The following NREP variants were observed in gnomAD, a reference collection of about 807,000 sequenced individuals.
NREP encodes the protein neuronal regeneration-related protein.
In NREP, 5 loss-of-function variants were observed where a neutral mutation model predicts 8.6. The observed-to-expected ratio is 0.58, with a 90% CI of 0.30 to 1.22. The LOEUF (loss-of-function observed/expected upper bound fraction) is 1.22. Among genes scored for constraint, NREP ranks in the 50% most tolerant of loss-of-function variants. The pLI, the probability that NREP is intolerant of heterozygous loss-of-function variation, is 0.07. For synonymous variants in NREP, 27 were observed against 28.0 expected (o/e 0.96, Z 0.11); for missense variants, 86 against 82.5 (o/e 1.04, Z -0.17).
At chr5:111,757,429 T>TCTCTCTCTCCCTTTCC, upstream of NREP, 2 of 983,756 alleles carry the variant, frequency 2.0e-6, no homozygotes, top group Non-Finnish European at 2.4e-6. Flanking sequence ...TCTAAGAGTC[T>TCTCTCTCTCCCTTTCC]CTCTCTCTCC....
intron 2 of NREP, among the ~76,000 whole-genome samples, chr5:111,805,306 C>A (rs886188221): frequency 1.3e-5 from 2 of 152,168 alleles, no homozygotes; most frequent in Non-Finnish European, 2.9e-5. Context: ...GCCAGTAATT[C>A]CACATCTAGA....
chr5:111,822,868 A>C lies in NREP; in HGVS notation c.136-87361T>G, dbSNP rs74352868. 9.4e-3 allele frequency among the ~76,000 whole-genome samples: 1,428 copies of C among 152,378 alleles called. 16 individuals carry two copies. The highest frequency in any genetic ancestry group is 0.013 in the Non-Finnish European group (872 of 68,042). On this transcript the variant is annotated intron_variant, in intron 2 of 3. Transcript: ENST00000395634. ...GAAAAGTATAAATGAAAAATGGAGAACATCAACATATCACTGGAATCAATA... is the reference window on the plus strand; with the variant it reads ...GAAAAGTATAAATGAAAAATGGAGACCATCAACATATCACTGGAATCAATA...
chr5:111,757,492 G>A, upstream of NREP: 2 of 984,998 alleles, frequency 2.0e-6, no homozygotes, highest in Non-Finnish European at 2.4e-6. Flanking sequence ...TAATTCTGAT[G>A]GAGCTGGCGC....
At chr5:111,828,342 C>G (rs1039065147) in intron 2 of NREP, among the ~76,000 whole-genome samples, 1 of 151,932 alleles carries the variant, frequency 6.6e-6, no homozygotes, top group Non-Finnish European at 1.5e-5. Context: ...TATTTGTTTT[C>G]TAGGCAATAG....
intron 1 of NREP, chr5:111,975,394 A>T: frequency 6.5e-7 from 1 of 1,546,018 alleles, no homozygotes; most frequent in South Asian, 1.2e-5. Context: ...GACAAGACAC[A>T]TGGTAGAAAA....
chr5:111,765,520 T>C (rs1751060773), intron 2 of NREP, among the ~76,000 whole-genome samples: 1 of 152,228 alleles, frequency 6.6e-6, no homozygotes, highest in Non-Finnish European at 1.5e-5. Context: ...GACATAGGTA[T>C]CATCAGTATC....
At chr5:111,942,811 T>C (rs1357616546) in intron 2 of NREP, among the ~76,000 whole-genome samples, 1 of 152,060 alleles carries the variant, frequency 6.6e-6, no homozygotes, top group Non-Finnish European at 1.5e-5. Context: ...GGTCAAATCC[T>C]GTATTCATCT....
chr5:111,886,305 TA>T (rs1422611663), intron 2 of NREP, among the ~76,000 whole-genome samples: 5 of 152,108 alleles, frequency 3.3e-5, no homozygotes, highest in South Asian at 2.1e-4. Context: ...TGGCAGTCAT[TA>T]AAAAGTCAGG....
intron 2 of NREP, among the ~76,000 whole-genome samples, chr5:111,878,879 C>T (rs140763899): frequency 9.7e-4 from 147 of 152,272 alleles, no homozygotes; most frequent in Non-Finnish European, 1.4e-3. Flanking sequence ...GTTATTTAGC[C>T]TAAGTTGTAA....
chr5:111,934,305 T>C (rs147268888), intron 2 of NREP, among the ~76,000 whole-genome samples: 227 of 152,212 alleles, frequency 1.5e-3, no homozygotes, highest in African/African-American at 5.0e-3. Context: ...CTGACTCTTA[T>C]GCTTCTAAGT....
At chr5:111,829,865 A>G (rs1362906932) in intron 2 of NREP, among the ~76,000 whole-genome samples, 1 of 152,166 alleles carries the variant, frequency 6.6e-6, no homozygotes, top group African/African-American at 2.4e-5. Context: ...TGGGCTGGAA[A>G]AGCTCCCATG....
chr5:111,849,535 A>G (rs1753259292), intron 2 of NREP, among the ~76,000 whole-genome samples: 2 of 152,168 alleles, frequency 1.3e-5, no homozygotes, highest in African/African-American at 2.4e-5. Context: ...TAATTGCAGT[A>G]TGGACAATGA....
At chr5:111,893,099 T>C (rs1042673235) in intron 2 of NREP, among the ~76,000 whole-genome samples, 3 of 152,218 alleles carry the variant, frequency 2.0e-5, no homozygotes, top group African/African-American at 7.2e-5. Flanking sequence ...GTATGACAGT[T>C]GCAGCCAGAT....
Position 111,939,747 on chromosome 5 carries a change from T to C in NREP, c.135+35527A>G, listed in dbSNP as rs140827559. On this transcript the variant is annotated intron_variant, in intron 2 of 3. Coordinates refer to the NREP transcript ENST00000395634. ...TGCTGTTTAAAATGGTCCCCAAGTG[T>C]AATACAGAAACTCTATCTAGTGTTC... 2.0e-3 allele frequency among the ~76,000 whole-genome samples: 302 copies of C among 152,154 alleles called. 1 individual carries two copies. Among genetic ancestry groups the C allele is most frequent in the African/African-American group, 6.6e-3 (275 of 41,540 alleles).
intron 2 of NREP, among the ~76,000 whole-genome samples, chr5:111,908,249 T>G (rs1343637311): frequency 2.0e-5 from 3 of 152,056 alleles, no homozygotes; most frequent in African/African-American, 7.2e-5. Flanking sequence ...ATATCTGTCC[T>G]AAGCCCATCA....
At chr5:111,861,553 G>T (rs949338375) in intron 2 of NREP, among the ~76,000 whole-genome samples, 3 of 152,032 alleles carry the variant, frequency 2.0e-5, no homozygotes, top group Non-Finnish European at 2.9e-5. Context: ...CATCATATTT[G>T]ATAGCAGAAG....
chr5:111,889,789 G>C (rs879306485), intron 2 of NREP, among the ~76,000 whole-genome samples: 2 of 152,170 alleles, frequency 1.3e-5, no homozygotes, highest in African/African-American at 2.4e-5. Flanking sequence ...CAAAAAGAGA[G>C]TCAGCAAAGG....
chr5:111,938,686 T>C (rs1261291085), intron 2 of NREP, among the ~76,000 whole-genome samples: 1 of 152,014 alleles, frequency 6.6e-6, no homozygotes, highest in African/African-American at 2.4e-5. Context: ...CAAAGGCCTA[T>C]TGTAAACTTT....
chr5:111,784,316 A>G (rs9885431), intron 2 of NREP, among the ~76,000 whole-genome samples: 90,998 of 151,418 alleles, frequency 0.6, 27,911 homozygotes, highest in African/African-American at 0.71. Flanking sequence ...AGATGCAAGG[A>G]AAGCTGGGAA....
Sources: gnomAD v4.1 joint callset for allele counts (sites outside exome capture counted in the v4.1 genomes callset) on GRCh38, gnomAD v4.1.1 for gene constraint, MANE v1.5 for transcripts, NCBI Gene and HGNC (gene_info 2026-07-23, HGNC 2026-07-21) for gene names.